The following CTNNA2 variants were observed in gnomAD, a reference collection of about 807,000 sequenced individuals.
CTNNA2 encodes catenin alpha 2.
In CTNNA2, 42 loss-of-function variants were observed where a neutral mutation model predicts 101.0. That is an observed-to-expected ratio of 0.42 (90% CI 0.32 to 0.54). CTNNA2 has a LOEUF of 0.54. Among genes scored for constraint, CTNNA2 ranks in the 20% least tolerant of loss-of-function variants. CTNNA2 has a pLI of 0.14. For synonymous variants in CTNNA2, 450 were observed against 456.4 expected (o/e 0.99, Z 0.18); for missense variants, 871 against 1,223.1 (o/e 0.71, Z 4.29).
chr2:80,329,365 AGT>A (rs897588758), intron 7 of CTNNA2, among the ~76,000 whole-genome samples: 21 of 152,224 alleles, frequency 1.4e-4, no homozygotes, highest in African/African-American at 5.1e-4. Flanking sequence ...TAAATGAAAC[AGT>A]GTGGTAAAGA....
chr2:80,596,348 T>C (rs1696975989), intron 15 of CTNNA2, among the ~76,000 whole-genome samples: 1 of 127,756 alleles, frequency 7.8e-6, no homozygotes, highest in Admixed American at 8.8e-5. Flanking sequence ...CTCGCTCTGT[T>C]GCCAAGGCTG....
chr2:80,458,740 T>G (rs928147865), intron 9 of CTNNA2, among the ~76,000 whole-genome samples: 2 of 152,188 alleles, frequency 1.3e-5, no homozygotes, highest in African/African-American at 4.8e-5. Flanking sequence ...CTCTAGCAGC[T>G]TAGATAACAG....
chr2:80,047,733 G>A (rs1468259855), intron 7 of CTNNA2, among the ~76,000 whole-genome samples: 2 of 152,112 alleles, frequency 1.3e-5, no homozygotes, highest in African/African-American at 2.4e-5. Flanking sequence ...AAGGATTCAG[G>A]GTAAGGAATC....
intron 12 of CTNNA2, among the ~76,000 whole-genome samples, chr2:80,558,134 T>A (rs1053491945): frequency 6.6e-6 from 1 of 152,176 alleles, no homozygotes; most frequent in Admixed American, 6.6e-5. Flanking sequence ...TATATAACTT[T>A]AATTGAAAAT....
chr2:79,449,964 A>T (rs762435692), intron 4 of CTNNA2, among the ~76,000 whole-genome samples: 2 of 152,032 alleles, frequency 1.3e-5, no homozygotes, highest in African/African-American at 4.8e-5. Flanking sequence ...GAACGCACAG[A>T]TATTTCTATT....
rs1164736655 is a variant in CTNNA2 at position 79,677,701 on chromosome 2, C to G, written c.102+26043C>G. On this transcript the variant is annotated intron_variant, in intron 2 of 18. Coordinates refer to ENST00000402739, the MANE Select transcript of CTNNA2 (RefSeq NM_001282597.3). ...GAACTTTGGAGATGAATTAGCTCAA[C>G]CTTCCACCCCCTATAGGCCTTCTTT... 1.4e-4 allele frequency among the ~76,000 whole-genome samples: 22 copies of G among 152,168 alleles called. 1 individual carries two copies. The highest frequency in any genetic ancestry group is 1.2e-3 in the Admixed American group (18 of 15,278).
At chr2:80,626,259 G>C (rs1671674902) in intron 18 of CTNNA2, among the ~76,000 whole-genome samples, 1 of 152,086 alleles carries the variant, frequency 6.6e-6, no homozygotes, top group Non-Finnish European at 1.5e-5. Flanking sequence ...TTCAGGGAGA[G>C]TAGAGTGAAC....
intron 7 of CTNNA2, among the ~76,000 whole-genome samples, chr2:80,183,890 T>C (rs941470476): frequency 6.7e-6 from 1 of 148,998 alleles, no homozygotes; most frequent in African/African-American, 2.5e-5. Flanking sequence ...CTTGGGTGTG[T>C]GTGTGTGTGT....
At chr2:80,500,474 T>C (rs1019598323) in intron 9 of CTNNA2, among the ~76,000 whole-genome samples, 1 of 152,222 alleles carries the variant, frequency 6.6e-6, no homozygotes, top group African/African-American at 2.4e-5. Context: ...ATCAGTTGAG[T>C]GCCTGTCATT....
intron 15 of CTNNA2, among the ~76,000 whole-genome samples, chr2:80,591,508 T>C (rs1696509635): frequency 6.8e-6 from 1 of 146,250 alleles, no homozygotes; most frequent in East Asian, 2.1e-4. Context: ...GTGCCTTTCT[T>C]TGTGGCCTCT....
At chr2:79,540,885 G>T (rs1467188216) in intron 1 of CTNNA2, among the ~76,000 whole-genome samples, 2 of 152,040 alleles carry the variant, frequency 1.3e-5, no homozygotes, top group Non-Finnish European at 2.9e-5. Flanking sequence ...CAAATAATTT[G>T]CTTGAAACAA....
chr2:80,588,287 CA>C (rs1376636473), intron 14 of CTNNA2, among the ~76,000 whole-genome samples: 1 of 152,160 alleles, frequency 6.6e-6, no homozygotes, highest in African/African-American at 2.4e-5. Flanking sequence ...CCATTTTAAA[CA>C]GCAAAGTTAC....
At chr2:79,267,926 A>T (rs2104294863) in intron 2 of CTNNA2, among the ~76,000 whole-genome samples, 1 of 152,274 alleles carries the variant, frequency 6.6e-6, no homozygotes. Context: ...TTGACAGAAT[A>T]TAGTGGAAGG....
At chr2:80,390,393 C>T (rs1231203014) in intron 7 of CTNNA2, among the ~76,000 whole-genome samples, 1 of 152,142 alleles carries the variant, frequency 6.6e-6, no homozygotes, top group Non-Finnish European at 1.5e-5. Flanking sequence ...CATGTGTTCC[C>T]CACAGGGACC....
chr2:79,669,674 A>G (rs1224271710), intron 2 of CTNNA2, among the ~76,000 whole-genome samples: 1 of 152,124 alleles, frequency 6.6e-6, no homozygotes, highest in Non-Finnish European at 1.5e-5. Context: ...TCAGCAGAGA[A>G]GGTAGCTCCT....
intron 7 of CTNNA2, among the ~76,000 whole-genome samples, chr2:80,034,354 C>CTTTT (rs1199616310): frequency 1.1e-4 from 6 of 54,080 alleles, no homozygotes; most frequent in African/African-American, 7.8e-5. Context: ...ATTTTTTTTT[C>CTTTT]TTTTTTTTTT....
In CTNNA2 at chr2:79,653,680, G is replaced by A. The variant is rs555439090; in HGVS notation, c.102+2022G>A. Among the ~76,000 whole-genome samples, 10 of 152,206 alleles carry A rather than the reference G, an allele frequency of 6.6e-5. No homozygotes were observed. The East Asian group carries it at 7.7e-4, about 12-fold the overall frequency. The stretch of plus-strand genomic sequence containing the variant: ...TTTTAGCCTTTTGAAGTCTTCATAC[G>A]TTGAGAATTTTCCCAATCATCAAGT... On this transcript the variant is annotated intron_variant, in intron 2 of 18. Transcript: ENST00000402739.
chr2:79,466,031 A>G (rs932005642), intron 4 of CTNNA2, among the ~76,000 whole-genome samples: 1 of 152,162 alleles, frequency 6.6e-6, no homozygotes, highest in African/African-American at 2.4e-5. Flanking sequence ...CTTGTCGGAC[A>G]GTGGGTGCAG....
intron 7 of CTNNA2, among the ~76,000 whole-genome samples, chr2:80,267,726 G>T (rs530539870): frequency 1.3e-5 from 2 of 152,218 alleles, no homozygotes; most frequent in African/African-American, 4.8e-5. Context: ...TCTGTAGAAT[G>T]AATACATGCA....
Sources: gnomAD v4.1 joint callset for allele counts (sites outside exome capture counted in the v4.1 genomes callset) on GRCh38, gnomAD v4.1.1 for gene constraint, MANE v1.5 for transcripts, NCBI Gene and HGNC (gene_info 2026-07-23, HGNC 2026-07-21) for gene names.